The following SNX2 variants were observed in gnomAD, a reference collection of about 807,000 sequenced individuals.
The protein encoded by SNX2 is sorting nexin-2.
A neutral mutation model predicts 69.9 loss-of-function variants in SNX2; 25 were observed. The ratio of observed to expected loss-of-function variants is 0.36; its 90% CI spans 0.26 to 0.50. The LOEUF (loss-of-function observed/expected upper bound fraction) is 0.50. Among genes scored for constraint, SNX2 ranks in the 20% least tolerant of loss-of-function variants. The pLI is 0.97. For missense variants in SNX2, 551 were observed against 613.3 expected (o/e 0.90, Z 1.07); for synonymous variants, 229 against 200.4 (o/e 1.14, Z -1.20).
chr5:122,806,113 CGT>C (rs767764868), intron 6 of SNX2, among the ~76,000 whole-genome samples: 5 of 117,332 alleles, frequency 4.3e-5, no homozygotes, highest in Non-Finnish European at 7.4e-5. Flanking sequence ...TGTGTGTGTG[CGT>C]GTGTGTATAT....
In SNX2 at chr5:122,833,586, C is replaced by A. The variant is rs1024705189; in HGVS notation, c.*3938C>A. On this transcript the variant is annotated 3_prime_UTR_variant, in exon 15 of 15. Coordinates refer to ENST00000379516, the MANE Select transcript of SNX2 (RefSeq NM_003100.4). ...CCGGCTACAATTTGATCAGTTGTCA[C>A]ATGTGGATGACTAGTGGCTATGATA... 6.6e-6 allele frequency: 1 copy of A among 152,186 alleles called. No homozygotes were observed. The highest frequency in any genetic ancestry group is 1.9e-4 in the East Asian group (1 of 5,200). The allele number at this position is 152,186 out of a possible 1,614,324, so 9.4% of individuals were successfully genotyped here.
At chr5:122,793,504 T>C (rs1581629366) in intron 1 of SNX2, among the ~76,000 whole-genome samples, 1 of 152,252 alleles carries the variant, frequency 6.6e-6, no homozygotes, top group Admixed American at 6.5e-5. Context: ...TAATGGTCTT[T>C]CATGATCCAA....
intron 7 of SNX2, among the ~76,000 whole-genome samples, chr5:122,815,145 A>G (rs1017411487): frequency 1.3e-5 from 2 of 152,200 alleles, no homozygotes; most frequent in African/African-American, 4.8e-5. Flanking sequence ...GTAATTTATT[A>G]TGGGTGACAG....
chr5:122,826,933 TAA>T (rs1157288115), intron 12 of SNX2, among the ~76,000 whole-genome samples: 2 of 152,082 alleles, frequency 1.3e-5, no homozygotes, highest in Non-Finnish European at 2.9e-5. Context: ...TTTCCTAATT[TAA>T]AATATTTCCA....
At chr5:122,776,614 T>C (rs938384655) in intron 1 of SNX2, among the ~76,000 whole-genome samples, 4 of 152,204 alleles carry the variant, frequency 2.6e-5, no homozygotes, top group African/African-American at 9.7e-5. Context: ...TTTAGCCCTT[T>C]CTACTTACTA....
rs755031564 is a variant in SNX2 at position 122,799,746 on chromosome 5, C to T, written c.281C>T (p.Ser94Leu). The change falls in exon 3 of 15, where the codon TCG becomes TTG. Residue 94 changes from serine to leucine, a missense_variant. Coordinates refer to ENST00000379516, the MANE Select transcript of SNX2 (RefSeq NM_003100.4). ...DSPEREPILSSEPSPAVTPVT... is the reference protein window; with the variant it reads ...DSPEREPILSLEPSPAVTPVT... ...CCTGAAAGGGAACCTATCCTATCCT[C>T]GGAACCTTCTCCTGCAGTCACACCT... 63 of 1,613,748 alleles carry T rather than the reference C, an allele frequency of 3.9e-5. No individual in the cohort carries two copies. Among genetic ancestry groups the T allele is most frequent in the Non-Finnish European group, 5.0e-5 (59 of 1,179,798 alleles).
At chr5:122,795,121 C>T (rs574071416) in intron 1 of SNX2, 145 bp from the exon 2 acceptor site, 13 of 579,692 alleles carry the variant, frequency 2.2e-5, no homozygotes, top group East Asian at 1.7e-4. Context: ...TTCATTCTTA[C>T]TCTCAGAGGA....
chr5:122,806,142 G>GCACACGCACACACACACACACACACACA lies in SNX2; in HGVS notation c.644-2130_644-2129insGCACACACACACACACACACACACACAC, dbSNP rs1554063176. Among the ~76,000 whole-genome samples the GCACACGCACACACACACACACACACACA allele has an allele frequency of 1.1e-3, 148 of 130,654 alleles. 1 individual carries two copies. Among genetic ancestry groups the GCACACGCACACACACACACACACACACA allele is most frequent in the Non-Finnish European group, 1.9e-3 (114 of 61,018 alleles). The allele number at this position is 130,654 out of a possible 152,430, so 85.7% of individuals were successfully genotyped here. On this transcript the variant is annotated intron_variant, in intron 6 of 14. Coordinates refer to ENST00000379516, the MANE Select transcript of SNX2 (RefSeq NM_003100.4). ...TGTGTATATATATACACACGCGCGC[G>GCACACGCACACACACACACACACACACA]CACACACACACACACACACACACAC... is the stretch of plus-strand genomic sequence containing the variant.
intron 6 of SNX2, among the ~76,000 whole-genome samples, chr5:122,805,499 C>T (rs1160088347): frequency 1.3e-5 from 2 of 151,948 alleles, no homozygotes; most frequent in Non-Finnish European, 2.9e-5. Flanking sequence ...TATTGGTACC[C>T]TTTACAGTTT....
At chr5:122,820,337 A>G (rs1192958356) in intron 11 of SNX2, among the ~76,000 whole-genome samples, 2 of 152,160 alleles carry the variant, frequency 1.3e-5, no homozygotes, top group Non-Finnish European at 1.5e-5. Context: ...GGAGATCAAG[A>G]CCATCCTGGC....
rs1561484774 is a variant in SNX2 at position 122,833,126 on chromosome 5, C to T, written c.*3478C>T. ...AATCACCCACCCTCCCTTCGACACACACTTCCTTATGTAAAATCAGAATCA... is the reference window on the plus strand; with the variant it reads ...AATCACCCACCCTCCCTTCGACACATACTTCCTTATGTAAAATCAGAATCA... On this transcript the variant is annotated 3_prime_UTR_variant, in exon 15 of 15. Coordinates refer to ENST00000379516, the MANE Select transcript of SNX2 (RefSeq NM_003100.4). The T allele has an allele frequency of 6.6e-6, 1 of 152,220 alleles. No homozygotes were observed. Among genetic ancestry groups the T allele is most frequent in the Non-Finnish European group, 1.5e-5 (1 of 68,042 alleles). 9.4% of individuals were successfully genotyped at this position (152,220 alleles called of 1,614,324 possible).
chr5:122,803,734 GA>G, intron 6 of SNX2, 121 bp downstream of exon 6: 1 of 682,816 alleles, frequency 1.5e-6, no homozygotes, highest in South Asian at 2.5e-5. Context: ...AGACATAACT[GA>G]ATTTAAGTAT....
Position 122,823,717 on chromosome 5 carries a change from G to GGTGTGT in SNX2, c.1213-2318_1213-2313dup, listed in dbSNP as rs10559761. ...ACTTTTTGGTGGTCGTGTGTATGTG[G>GGTGTGT]GTGTGTGTGTGTGTGTGTGTCGGAA... On this transcript the variant is annotated intron_variant, in intron 11 of 14. Transcript: ENST00000379516. Among the ~76,000 whole-genome samples, 97 of 149,838 alleles carry GGTGTGT rather than the reference G, an allele frequency of 6.5e-4. No homozygotes were observed. In the South Asian group the frequency reaches 7.5e-3, roughly 12 times the overall value.
chr5:122,814,448 G>A (rs1247222462), intron 7 of SNX2, among the ~76,000 whole-genome samples: 2 of 152,054 alleles, frequency 1.3e-5, no homozygotes, highest in African/African-American at 4.8e-5. Context: ...TCTTATGTGG[G>A]CTACTGACTT....
chr5:122,797,857 G>A (rs1206670385), intron 2 of SNX2, among the ~76,000 whole-genome samples: 1 of 149,444 alleles, frequency 6.7e-6, no homozygotes, highest in Non-Finnish European at 1.5e-5. Flanking sequence ...AAGGTGTCAT[G>A]AAGAAAATTT....
chr5:122,806,149 C>G (rs1250051197), intron 6 of SNX2, among the ~76,000 whole-genome samples: 1 of 96,760 alleles, frequency 1.0e-5, no homozygotes, highest in Non-Finnish European at 2.1e-5. Flanking sequence ...CGCGCACACA[C>G]ACACACACAC....
chr5:122,792,921 A>G (rs944915952), intron 1 of SNX2, among the ~76,000 whole-genome samples: 1 of 152,228 alleles, frequency 6.6e-6, no homozygotes, highest in Non-Finnish European at 1.5e-5. Flanking sequence ...TCAGAACACA[A>G]TGATACATAC....
At position 122,816,897 on chromosome 5, in the gene SNX2, T is replaced by C. The variant is rs1289814275; in HGVS notation, c.799-18T>C. The C allele has an allele frequency of 1.3e-6, 2 of 1,531,072 alleles. No homozygotes were observed. The highest frequency in any genetic ancestry group is 1.8e-6 in the Non-Finnish European group (2 of 1,107,828). The allele number at this position is 1,531,072 out of a possible 1,614,324, so 94.8% of individuals were successfully genotyped here. A position where few individuals can be genotyped will look rare whatever the true frequency, so the allele number is the denominator to read the frequency against. On this transcript the variant is annotated intron_variant, in intron 8 of 14. Coordinates refer to ENST00000379516, the MANE Select transcript of SNX2 (RefSeq NM_003100.4). Reference sequence around the variant, plus strand: ...CTTTTAACCGGTTTGTTTGCCCTTATTTGTCATTCAATTCCAGCTGCCTAG... The same window carrying C: ...CTTTTAACCGGTTTGTTTGCCCTTACTTGTCATTCAATTCCAGCTGCCTAG...
chr5:122,812,265 T>C (rs1213967388), intron 7 of SNX2, among the ~76,000 whole-genome samples: 5 of 152,218 alleles, frequency 3.3e-5, no homozygotes, highest in African/African-American at 1.2e-4. Context: ...TACAAGACTT[T>C]ATATGACCTG....
Sources: gnomAD v4.1 joint callset for allele counts (sites outside exome capture counted in the v4.1 genomes callset) on GRCh38, gnomAD v4.1.1 for gene constraint, MANE v1.5 for transcripts, NCBI Gene and HGNC (gene_info 2026-07-23, HGNC 2026-07-21) for gene names.